The following CLVS2 variants were observed in gnomAD, a reference collection of about 807,000 sequenced individuals.
The protein encoded by CLVS2 is clavesin-2.
CLVS2 carries 19 observed loss-of-function variants against 29.0 expected under a neutral mutation model. That is an observed-to-expected ratio of 0.66 (90% CI 0.46 to 0.96). The LOEUF is 0.96. Among genes scored for constraint, CLVS2 ranks in the 40% least tolerant of loss-of-function variants. CLVS2 has a pLI of 0.00. For missense variants in CLVS2, 294 were observed against 404.1 expected (o/e 0.73, Z 2.34); for synonymous variants, 161 against 151.3 (o/e 1.06, Z -0.47).
intron 5 of CLVS2, among the ~76,000 whole-genome samples, chr6:123,058,222 A>G (rs1772723704): frequency 6.6e-6 from 1 of 152,140 alleles, no homozygotes; most frequent in Admixed American, 6.5e-5. Flanking sequence ...TAGGTAGTCT[A>G]TATATAGTGG....
intron 3 of CLVS2, among the ~76,000 whole-genome samples, chr6:123,018,561 T>C (rs761637953): frequency 2.0e-5 from 3 of 152,002 alleles, no homozygotes; most frequent in Non-Finnish European, 4.4e-5. Flanking sequence ...ATTGCCAGAA[T>C]CTTAGAAGTG....
At chr6:123,020,422 G>A (rs927371735) in intron 3 of CLVS2, among the ~76,000 whole-genome samples, 1 of 152,010 alleles carries the variant, frequency 6.6e-6, no homozygotes, top group Non-Finnish European at 1.5e-5. Context: ...CTGTTGCTTT[G>A]CCTTGAAGTT....
At chr6:123,019,099 A>C (rs1197971937) in intron 3 of CLVS2, among the ~76,000 whole-genome samples, 1 of 152,068 alleles carries the variant, frequency 6.6e-6, no homozygotes, top group Non-Finnish European at 1.5e-5. Flanking sequence ...AAGCAGGGAG[A>C]ATCACATGCA....
chr6:123,043,129 A>G (rs1775258408), intron 3 of CLVS2, among the ~76,000 whole-genome samples: 1 of 152,168 alleles, frequency 6.6e-6, no homozygotes, highest in Non-Finnish European at 1.5e-5. Flanking sequence ...CCTCTGAGCC[A>G]TTACCAATAA....
intron 3 of CLVS2, among the ~76,000 whole-genome samples, chr6:123,035,170 T>A (rs1380589424): frequency 6.6e-6 from 1 of 152,046 alleles, no homozygotes; most frequent in African/African-American, 2.4e-5. Context: ...GCAAAGAGAA[T>A]AAAAGGGATA....
At chr6:123,003,674 T>C (rs1774623088) in intron 2 of CLVS2, among the ~76,000 whole-genome samples, 1 of 152,174 alleles carries the variant, frequency 6.6e-6, no homozygotes, top group African/African-American at 2.4e-5. Context: ...TTAAGCAATA[T>C]GTAACCTCTC....
intron 3 of CLVS2, among the ~76,000 whole-genome samples, chr6:123,026,193 C>T (rs1774998957): frequency 2.0e-5 from 3 of 151,972 alleles, no homozygotes; most frequent in African/African-American, 7.3e-5. Context: ...AAAATATTGT[C>T]ACTTTGATGT....
intron 3 of CLVS2, among the ~76,000 whole-genome samples, chr6:123,017,262 A>G (rs556158603): frequency 2.6e-5 from 4 of 152,088 alleles, no homozygotes; most frequent in Non-Finnish European, 5.9e-5. Context: ...TCAGGCTTAG[A>G]ATGCTTTAGA....
chr6:123,011,062 A>G lies in CLVS2; in HGVS notation c.467A>G (p.Asn156Ser), dbSNP rs1168783014. 6.2e-7 allele frequency: 1 copy of G among 1,610,590 alleles called. No individual in the cohort carries two copies. Among genetic ancestry groups the G allele is most frequent in the Admixed American group, 1.7e-5 (1 of 59,628 alleles). The part of the protein sequence containing the change: ...AMIEDPELQV[N>S]GFVLIIDWSN... ...ATTGAAGATCCTGAGCTTCAAGTGA[A>G]TGGGTTTGTTTTGATCATAGACTGG... The change falls in exon 3 of 6, where the codon AAT becomes AGT. Residue 156 changes from asparagine to serine, a missense_variant. By Grantham distance (46) the Asn-to-Ser change is conservative. This residue lies in a region of CLVS2 where 212 missense variants were observed against 336.4 expected (regional missense o/e 0.63). Coordinates refer to ENST00000275162, the MANE Select transcript of CLVS2 (RefSeq NM_001010852.4).
intron 5 of CLVS2, among the ~76,000 whole-genome samples, chr6:123,060,399 A>G (rs1772758192): frequency 6.6e-6 from 1 of 152,166 alleles, no homozygotes. Flanking sequence ...AACCATACCT[A>G]TTTCATGATA....
intron 3 of CLVS2, among the ~76,000 whole-genome samples, chr6:123,021,560 T>C (rs138927347): frequency 3.4e-4 from 52 of 152,228 alleles, no homozygotes; most frequent in African/African-American, 1.1e-3. Flanking sequence ...GATAAATGTT[T>C]TATTTTTATT....
At chr6:123,052,595 T>C (rs973678294) in intron 4 of CLVS2, among the ~76,000 whole-genome samples, 1 of 152,152 alleles carries the variant, frequency 6.6e-6, no homozygotes, top group African/African-American at 2.4e-5. Flanking sequence ...AGCTGTGTTA[T>C]GGGTGTAGGG....
At chr6:123,016,021 C>CTTT (rs58103603) in intron 3 of CLVS2, among the ~76,000 whole-genome samples, 1,027 of 50,822 alleles carry the variant, frequency 0.02, 194 homozygotes, top group South Asian at 0.051. Flanking sequence ...CAACATCAGA[C>CTTT]TTTTTTTTTT....
At position 123,070,163 on chromosome 6, in the gene CLVS2, C is replaced by G. The variant is rs1442148466; in HGVS notation, c.*6402C>G. On this transcript the variant is annotated 3_prime_UTR_variant, in exon 6 of 6. Transcript: ENST00000275162. Reference sequence around the variant, plus strand: ...CCTTACTCCTCATTCATATAGCTAACAATTTTAATTGGATGGCTAATGGAT... The same window carrying G: ...CCTTACTCCTCATTCATATAGCTAAGAATTTTAATTGGATGGCTAATGGAT... 6.6e-6 allele frequency: 1 copy of G among 151,898 alleles called. No individual in the cohort carries two copies. The highest frequency in any genetic ancestry group is 1.5e-5 in the Non-Finnish European group (1 of 67,914). The allele number at this position is 151,898 out of a possible 1,614,324, so 9.4% of individuals were successfully genotyped here. A position where few individuals can be genotyped will look rare whatever the true frequency, so the allele number is the denominator to read the frequency against.
At chr6:123,030,063 C>T (rs73769348) in intron 3 of CLVS2, among the ~76,000 whole-genome samples, 44 of 152,288 alleles carry the variant, frequency 2.9e-4, no homozygotes, top group Admixed American at 9.8e-4. Flanking sequence ...GTAAAAACTG[C>T]GCAAGCGCTG....
intron 5 of CLVS2, among the ~76,000 whole-genome samples, chr6:123,057,407 C>T (rs918212635): frequency 3.1e-5 from 4 of 128,786 alleles, no homozygotes; most frequent in South Asian, 2.6e-4. Flanking sequence ...AGTGCAATGG[C>T]GCGATCATGA....
intron 3 of CLVS2, among the ~76,000 whole-genome samples, chr6:123,046,520 G>A (rs192972993): frequency 6.3e-4 from 96 of 152,086 alleles, no homozygotes; most frequent in Non-Finnish European, 2.9e-5. Flanking sequence ...TTAGCCGGGC[G>A]TGGTGGTGCA....
At chr6:123,055,521 T>C (rs549708568) in intron 4 of CLVS2, among the ~76,000 whole-genome samples, 1 of 152,272 alleles carries the variant, frequency 6.6e-6, no homozygotes, top group East Asian at 1.9e-4. Context: ...TGTCCCTGCC[T>C]ATGAAGAAGG....
At chr6:123,026,268 A>G (rs1774999761) in intron 3 of CLVS2, among the ~76,000 whole-genome samples, 1 of 152,122 alleles carries the variant, frequency 6.6e-6, no homozygotes, top group Non-Finnish European at 1.5e-5. Flanking sequence ...TACTAATAGG[A>G]CTATGGTGAA....
Sources: allele counts gnomAD v4.1 joint callset (sites outside exome capture counted in the v4.1 genomes callset), GRCh38; gene constraint gnomAD v4.1.1; regional missense constraint gnomAD v4.1.1; transcripts MANE v1.5; gene names NCBI Gene and HGNC (gene_info 2026-07-23, HGNC 2026-07-21).